The following KLHL32 variants were observed in gnomAD, a reference collection of about 807,000 sequenced individuals.
KLHL32 encodes kelch like family member 32.
A neutral mutation model predicts 64.8 loss-of-function variants in KLHL32; 35 were observed. The ratio of observed to expected loss-of-function variants is 0.54; its 90% confidence interval spans 0.41 to 0.72. The LOEUF (loss-of-function observed/expected upper bound fraction) is 0.72, where lower values mean the gene tolerates loss of function less well. Among genes scored for constraint, KLHL32 ranks in the 30% least tolerant of loss-of-function variants. The probability of loss-of-function intolerance (pLI) is 0.00; values close to 1 mark genes in which losing one functional copy is unlikely to be tolerated. For synonymous variants in KLHL32, 259 were observed against 281.0 expected (o/e 0.92, Z 0.78); for missense variants, 589 against 768.5 (o/e 0.77, Z 2.76).
At position 97,139,320 on chromosome 6, in the gene KLHL32, C is replaced by T. The variant is rs778147212; in HGVS notation, c.*38C>T. 1 of 1,568,036 alleles carries T rather than the reference C, an allele frequency of 6.4e-7. No individual in the cohort carries two copies. Among genetic ancestry groups the T allele is most frequent in the Non-Finnish European group, 8.7e-7 (1 of 1,146,020 alleles). ...TCATGAACAGGAGGAAAACATAGCT[C>T]TGACTGTTGGATACTGGGCATGAAA... is the stretch of plus-strand genomic sequence containing the variant. On this transcript the variant is annotated 3_prime_UTR_variant, in exon 11 of 11. Coordinates refer to ENST00000369261, the MANE Select transcript of KLHL32 (RefSeq NM_052904.4).
At chr6:97,011,306 T>A (rs1780378097) in intron 3 of KLHL32, among the ~76,000 whole-genome samples, 1 of 152,218 alleles carries the variant, frequency 6.6e-6, no homozygotes, top group African/African-American at 2.4e-5. Flanking sequence ...TATCTTCATA[T>A]TTTAGGCAAA....
At chr6:96,967,453 A>G (rs1276456527) in intron 2 of KLHL32, among the ~76,000 whole-genome samples, 2 of 151,860 alleles carry the variant, frequency 1.3e-5, no homozygotes, top group African/African-American at 4.8e-5. Flanking sequence ...GTGTATATAT[A>G]GAGAGATGTG....
intron 3 of KLHL32, among the ~76,000 whole-genome samples, chr6:97,003,659 T>C (rs961004644): frequency 1.3e-5 from 2 of 152,110 alleles, no homozygotes; most frequent in Admixed American, 1.3e-4. Flanking sequence ...CTTGAGTTGA[T>C]TTTTTGTATA....
intron 1 of KLHL32, among the ~76,000 whole-genome samples, chr6:96,965,470 C>A (rs72926825): frequency 3.2e-4 from 48 of 152,250 alleles, no homozygotes; most frequent in South Asian, 1.9e-3. Flanking sequence ...TAGTTAGATG[C>A]CATTTAATTT....
chr6:97,106,471 A>G (rs1375872993), intron 6 of KLHL32, among the ~76,000 whole-genome samples: 1 of 152,174 alleles, frequency 6.6e-6, no homozygotes, highest in Non-Finnish European at 1.5e-5. Flanking sequence ...GACCGGGTGC[A>G]GTGGCTAACA....
At chr6:96,947,764 T>C (rs542277045) in intron 1 of KLHL32, among the ~76,000 whole-genome samples, 19 of 152,290 alleles carry the variant, frequency 1.2e-4, no homozygotes, top group African/African-American at 4.1e-4. Context: ...GTGAGGTAAG[T>C]AGTATTATAT....
chr6:96,940,281 G>A (rs1431666599), intron 1 of KLHL32, among the ~76,000 whole-genome samples: 1 of 152,100 alleles, frequency 6.6e-6, no homozygotes, highest in Non-Finnish European at 1.5e-5. Context: ...AAATTGCCTA[G>A]GGATAGAATA....
chr6:97,058,874 C>T (rs929040593), intron 4 of KLHL32, among the ~76,000 whole-genome samples: 1 of 152,182 alleles, frequency 6.6e-6, no homozygotes, highest in African/African-American at 2.4e-5. Flanking sequence ...AAAAGTAACC[C>T]TTATATTTGT....
intron 4 of KLHL32, among the ~76,000 whole-genome samples, chr6:97,044,085 G>A (rs1785547030): frequency 1.3e-5 from 2 of 151,950 alleles, no homozygotes; most frequent in South Asian, 4.1e-4. Context: ...TAAAGGAGGA[G>A]CTTTCAACTT....
At chr6:97,044,079 G>A (rs566680058) in intron 4 of KLHL32, among the ~76,000 whole-genome samples, 1 of 151,990 alleles carries the variant, frequency 6.6e-6, no homozygotes, top group Non-Finnish European at 1.5e-5. Flanking sequence ...TGATCTTAAA[G>A]GAGGAGCTTT....
intron 1 of KLHL32, among the ~76,000 whole-genome samples, chr6:96,948,888 G>A (rs573539096): frequency 3.9e-5 from 6 of 152,174 alleles, no homozygotes; most frequent in African/African-American, 9.6e-5. Context: ...TGACTCATGC[G>A]AAAAAGTCAT....
At chr6:97,024,401 CT>C (rs11314105) in intron 3 of KLHL32, among the ~76,000 whole-genome samples, 10,234 of 131,550 alleles carry the variant, frequency 0.078, 696 homozygotes, top group African/African-American at 0.19. Context: ...TTTGTTGTTG[CT>C]TTTTTTTTTT....
At chr6:97,040,935 G>GT (rs1200218706) in intron 3 of KLHL32, among the ~76,000 whole-genome samples, 1 of 152,102 alleles carries the variant, frequency 6.6e-6, no homozygotes, top group African/African-American at 2.4e-5. Context: ...CACCATTATT[G>GT]TAAGTTTCCT....
At chr6:96,936,558 CCAGAATCTGACCATATGT>C (rs1225027696) in intron 1 of KLHL32, among the ~76,000 whole-genome samples, 1 of 152,130 alleles carries the variant, frequency 6.6e-6, no homozygotes, top group Non-Finnish European at 1.5e-5. Flanking sequence ...CAAAGTATAC[CCAGAATCTGACCATATGT>C]CACAACTTCC....
At chr6:97,114,661 C>T (rs1282273575) in intron 7 of KLHL32, 152 bp downstream of exon 7, 3 of 806,030 alleles carry the variant, frequency 3.7e-6, no homozygotes, top group Non-Finnish European at 6.0e-6. Flanking sequence ...TGAGCACCTA[C>T]TCTAGAGAGC....
chr6:96,967,028 T>G lies in KLHL32; in HGVS notation c.-33T>G. Reference sequence around the variant, plus strand: ...GCTTGCTGATTCCTCTGCACACTTCTAAGGCTGAGAACCTGAGGAACCCAG... The same window carrying G: ...GCTTGCTGATTCCTCTGCACACTTCGAAGGCTGAGAACCTGAGGAACCCAG... On this transcript the variant is annotated 5_prime_UTR_variant, in exon 2 of 11. An upstream open reading frame in the 5' UTR loses its in-frame stop. Transcript: ENST00000369261. 1 of 1,610,250 alleles carries G rather than the reference T, an allele frequency of 6.2e-7. No homozygotes were observed. Among genetic ancestry groups the G allele is most frequent in the Non-Finnish European group, 8.5e-7 (1 of 1,176,702 alleles).
intron 3 of KLHL32, among the ~76,000 whole-genome samples, chr6:97,014,261 C>G (rs1005118229): frequency 5.3e-5 from 8 of 150,856 alleles, no homozygotes; most frequent in African/African-American, 1.7e-4. Flanking sequence ...CGCCACTGCA[C>G]TCCAACCTGG....
At chr6:96,989,225 G>A (rs1777546470) in intron 3 of KLHL32, among the ~76,000 whole-genome samples, 1 of 152,180 alleles carries the variant, frequency 6.6e-6, no homozygotes, top group Admixed American at 6.5e-5. Flanking sequence ...TGTTTTTGTG[G>A]TAGCTGGTAA....
At chr6:97,031,096 C>T (rs1783473145) in intron 3 of KLHL32, among the ~76,000 whole-genome samples, 1 of 152,152 alleles carries the variant, frequency 6.6e-6, no homozygotes, top group African/African-American at 2.4e-5. Context: ...TGACCTTCCT[C>T]CTGGTTTCTA....
Sources: gnomAD v4.1 joint callset for allele counts (sites outside exome capture counted in the v4.1 genomes callset) on GRCh38, gnomAD v4.1.1 for gene constraint, MANE v1.5 for transcripts, NCBI Gene and HGNC (gene_info 2026-07-23, HGNC 2026-07-21) for gene names.